The following NHS variants were observed in gnomAD, a reference collection of about 807,000 sequenced individuals.
The protein encoded by NHS is actin remodeling regulator NHS.
In NHS, 5 loss-of-function variants were observed where a neutral mutation model predicts 72.5. The observed-to-expected ratio is 0.07, with a 90% CI of 0.04 to 0.14. The LOEUF (loss-of-function observed/expected upper bound fraction) is 0.14, where lower values mean the gene tolerates loss of function less well. Among genes scored for constraint, NHS ranks in the 10% least tolerant of loss-of-function variants. NHS has a pLI of 1.00. For synonymous variants in NHS, 464 were observed against 547.7 expected (o/e 0.85, Z 2.13); for missense variants, 1,072 against 1,355.7 (o/e 0.79, Z 3.29).
At chrX:17,585,003 G>A (rs984106125) in intron 1 of NHS, among the ~76,000 whole-genome samples, 1 of 111,459 alleles carries the variant, frequency 9.0e-6, no homozygotes, top group Admixed American at 9.5e-5. Flanking sequence ...TTTTCGTGAG[G>A]ATAGAGACAG....
In NHS at chrX:17,719,348, A is replaced by G; in HGVS notation, c.857A>G (p.Asn286Ser). The part of the protein sequence containing the change: ...EFKDRHFLTF[N>S]STRSPSPTEC... ...TTTTGCATTTCATGTTCATAGTTTA[A>G]CAGCACCCGTTCGCCCTCCCCCACT... Residue 286 changes from asparagine (N) to serine (S), a missense_variant, in exon 4 of 9, where the codon AAC becomes AGC. By Grantham distance (46) the Asn-to-Ser change is conservative. Transcript: ENST00000676302. 1 of 1,166,629 alleles carries G rather than the reference A, an allele frequency of 8.6e-7. No homozygotes were observed. Among genetic ancestry groups the G allele is most frequent in the Non-Finnish European group, 1.1e-6 (1 of 872,439 alleles).
At chrX:17,560,967 A>T (rs1399430248) in intron 1 of NHS, among the ~76,000 whole-genome samples, 1 of 112,539 alleles carries the variant, frequency 8.9e-6, no homozygotes, top group Non-Finnish European at 1.9e-5. Flanking sequence ...CAGAATGCTT[A>T]TCAGAGGATA....
At chrX:17,719,882 C>T (rs933907593) in intron 4 of NHS, among the ~76,000 whole-genome samples, 2 of 111,345 alleles carry the variant, frequency 1.8e-5, no homozygotes, top group Non-Finnish European at 3.8e-5. Context: ...AGGAAGGAAT[C>T]GCCTACAAAA....
intron 1 of NHS, among the ~76,000 whole-genome samples, chrX:17,624,506 G>T (rs1601806270): frequency 8.9e-6 from 1 of 112,640 alleles, no homozygotes; most frequent in Non-Finnish European, 1.9e-5. Context: ...TAACACCATA[G>T]ATTAGATTTA....
intron 1 of NHS, among the ~76,000 whole-genome samples, chrX:17,464,895 G>A (rs759972154): frequency 8.9e-6 from 1 of 112,430 alleles, no homozygotes; most frequent in Non-Finnish European, 1.9e-5. Context: ...TGTAAAGGGA[G>A]AAGAGGAGGC....
chrX:17,670,695 T>C (rs2066039138), intron 1 of NHS, among the ~76,000 whole-genome samples: 1 of 112,503 alleles, frequency 8.9e-6, no homozygotes, highest in African/African-American at 3.2e-5. Flanking sequence ...GAACAGTCAG[T>C]GTGACCCTAC....
At chrX:17,401,570 C>T (rs2064503089) in intron 1 of NHS, among the ~76,000 whole-genome samples, 1 of 111,959 alleles carries the variant, frequency 8.9e-6, no homozygotes, top group Non-Finnish European at 1.9e-5. Context: ...TTAATTTTCT[C>T]ATTTCAGGAG....
At chrX:17,426,625 G>A (rs893851977) in intron 1 of NHS, among the ~76,000 whole-genome samples, 19 of 112,326 alleles carry the variant, frequency 1.7e-4, no homozygotes, top group African/African-American at 6.1e-4. Flanking sequence ...CTTGGCTGCT[G>A]GAAAATGTCA....
rs777485437 is a variant in NHS at position 17,585,046 on chromosome X, C to A, written c.566-102696C>A. ...TTATGTTGCTCAGGCTGGTCTTGAA[C>A]CCCTGGCCTCAAATGATCCTCCTGC... On this transcript the variant is annotated intron_variant, in intron 1 of 8. Transcript: ENST00000676302. 5.4e-5 allele frequency among the ~76,000 whole-genome samples: 6 copies of A among 111,811 alleles called. No individual in the cohort carries two copies. In the East Asian group the frequency reaches 1.7e-3, roughly 32 times the overall value.
chrX:17,635,439 T>A, intron 1 of NHS: 1 of 1,164,723 alleles, frequency 8.6e-7, no homozygotes, highest in Non-Finnish European at 1.1e-6. Flanking sequence ...GGTTGCCCTC[T>A]CTCGCCCTCC....
intron 7 of NHS, 35 bp downstream of exon 7, chrX:17,728,363 T>A (rs1452066570): frequency 1.7e-6 from 2 of 1,160,578 alleles, no homozygotes; most frequent in African/African-American, 3.5e-5. Flanking sequence ...AAAGGAAATG[T>A]GTCTCATGGC....
rs1356358190 is a variant in NHS at position 17,733,280 on chromosome X, GA to G, written c.*818del. On this transcript the variant is annotated 3_prime_UTR_variant, in exon 9 of 9. Coordinates refer to ENST00000676302, the MANE Select transcript of NHS (RefSeq NM_001291867.2). ...GATTTGTTGTGTGGTAATTTGGACA[GA>G]ATGAAAAGCATGCTTTTGATTTTTT... 2 of 111,753 alleles carry G rather than the reference GA, an allele frequency of 1.8e-5. No individual in the cohort carries two copies. The highest frequency in any genetic ancestry group is 2.8e-4 in the East Asian group (1 of 3,586). 9.2% of individuals were successfully genotyped at this position (111,753 alleles called of 1,213,427 possible).
intron 1 of NHS, among the ~76,000 whole-genome samples, chrX:17,639,978 T>G (rs757964837): frequency 8.9e-6 from 1 of 112,033 alleles, no homozygotes; most frequent in Non-Finnish European, 1.9e-5. Flanking sequence ...TGTATCAAGT[T>G]TTCGGTAAGT....
chrX:17,671,345 C>A (rs1348947891), intron 1 of NHS, among the ~76,000 whole-genome samples: 1 of 112,514 alleles, frequency 8.9e-6, no homozygotes, highest in African/African-American at 3.2e-5. Context: ...CCCTCCTGCA[C>A]AATCTTCATT....
At chrX:17,498,073 T>C (rs2065021065) in intron 1 of NHS, among the ~76,000 whole-genome samples, 1 of 112,050 alleles carries the variant, frequency 8.9e-6, no homozygotes, top group Non-Finnish European at 1.9e-5. Context: ...CTGTATTTTT[T>C]TAAAACTCCC....
intron 5 of NHS, among the ~76,000 whole-genome samples, chrX:17,723,516 C>T (rs1444740472): frequency 8.9e-6 from 1 of 111,932 alleles, no homozygotes; most frequent in East Asian, 2.8e-4. Flanking sequence ...GGGATAAAGA[C>T]TGGCAATTCC....
rs1182297649 is a variant in NHS, at chrX:17,411,973, T to G, written c.565+35651T>G. Among the ~76,000 whole-genome samples, 7 of 111,177 alleles carry G rather than the reference T, an allele frequency of 6.3e-5. No homozygotes were observed. The East Asian group carries it at 2.0e-3, about 31-fold the overall frequency. Reference sequence around the variant, plus strand: ...GTTTCATACTTTTGGTAACAGGAGATTTTTAGATGAATGTTCAGCCACCCC... The same window carrying G: ...GTTTCATACTTTTGGTAACAGGAGAGTTTTAGATGAATGTTCAGCCACCCC... On this transcript the variant is annotated intron_variant, in intron 1 of 8. Transcript: ENST00000676302.
intron 1 of NHS, among the ~76,000 whole-genome samples, chrX:17,569,797 A>G (rs773279253): frequency 1.8e-5 from 2 of 111,850 alleles, no homozygotes; most frequent in South Asian, 7.4e-4. Flanking sequence ...TTAAAATGGT[A>G]CTAGGTCTTA....
chrX:17,671,957 C>T (rs1363490630), intron 1 of NHS, among the ~76,000 whole-genome samples: 1 of 111,549 alleles, frequency 9.0e-6, no homozygotes, highest in African/African-American at 3.3e-5. Flanking sequence ...ACTGGAAGGG[C>T]GAGCCTCTAA....
Sources: allele counts gnomAD v4.1 joint callset (sites outside exome capture counted in the v4.1 genomes callset), GRCh38; gene constraint gnomAD v4.1.1; transcripts MANE v1.5; gene names NCBI Gene and HGNC (gene_info 2026-07-23, HGNC 2026-07-21).